BACE2: variants seen among roughly 807,000 people sequenced by gnomAD.
BACE2 encodes the protein 56 kDa aspartic-like protease.
BACE2 carries 17 observed loss-of-function variants against 46.2 expected under a neutral mutation model. That is an observed-to-expected ratio of 0.37 (90% CI 0.25 to 0.55). BACE2 has a LOEUF of 0.55. Among genes scored for constraint, BACE2 ranks in the 20% least tolerant of loss-of-function variants. BACE2 has a pLI of 0.82. For synonymous variants in BACE2, 277 were observed against 295.9 expected (o/e 0.94, Z 0.66); for missense variants, 595 against 698.1 (o/e 0.85, Z 1.66).
At chr21:41,221,062 A>C (rs1159966957) in intron 1 of BACE2, among the ~76,000 whole-genome samples, 1 of 146,632 alleles carries the variant, frequency 6.8e-6, no homozygotes, top group Admixed American at 6.8e-5. Context: ...AAAAAAAAAA[A>C]CAGTAGAGTG....
chr21:41,191,338 C>T lies in BACE2; in HGVS notation c.312+22763C>T, dbSNP rs549060813. ...CCATGAGAATGAGCCCACTGTCACA[C>T]TTCTTTAGCCATAAAGTGAGTGTCT... On this transcript the variant is annotated intron_variant, in intron 1 of 8. Coordinates refer to ENST00000330333, the MANE Select transcript of BACE2 (RefSeq NM_012105.5). Among the ~76,000 whole-genome samples the T allele has an allele frequency of 4.0e-3, 606 of 152,364 alleles. 3 individuals are homozygous for T. Among genetic ancestry groups the T allele is most frequent in the Admixed American group, 9.6e-3 (147 of 15,304 alleles).
At chr21:41,264,511 C>A (rs182881478) in intron 8 of BACE2, among the ~76,000 whole-genome samples, 1 of 152,002 alleles carries the variant, frequency 6.6e-6, no homozygotes, top group East Asian at 1.9e-4. Flanking sequence ...TTCTGCTTCT[C>A]GGGAGGCCTC....
intron 1 of BACE2, among the ~76,000 whole-genome samples, chr21:41,201,885 A>G (rs1336553602): frequency 2.6e-5 from 4 of 152,210 alleles, no homozygotes. Context: ...CAAACCCAGC[A>G]TGTTTTAGGG....
chr21:41,212,216 T>C, intron 1 of BACE2, among the ~76,000 whole-genome samples: 1 of 152,222 alleles, frequency 6.6e-6, no homozygotes, highest in Non-Finnish European at 1.5e-5. Context: ...GAGGGCTTTG[T>C]GCTTCATAGA....
At chr21:41,239,578 A>C (rs188941515) in intron 3 of BACE2, among the ~76,000 whole-genome samples, 2 of 152,222 alleles carry the variant, frequency 1.3e-5, no homozygotes, top group East Asian at 1.9e-4. Flanking sequence ...AGGTTTCACT[A>C]TGTTGGCCAG....
At chr21:41,203,820 G>C (rs981343896) in intron 1 of BACE2, among the ~76,000 whole-genome samples, 1 of 152,180 alleles carries the variant, frequency 6.6e-6, no homozygotes, top group African/African-American at 2.4e-5. Flanking sequence ...ACCTGAAGAC[G>C]GGGATGGGTC....
chr21:41,190,496 C>T (rs1985529685), intron 1 of BACE2, among the ~76,000 whole-genome samples: 1 of 152,178 alleles, frequency 6.6e-6, no homozygotes, highest in South Asian at 2.1e-4. Context: ...GGAAAAAATA[C>T]TCATGACAAT....
intron 1 of BACE2, among the ~76,000 whole-genome samples, chr21:41,212,374 C>T (rs964735219): frequency 1.3e-5 from 2 of 152,276 alleles, no homozygotes; most frequent in Non-Finnish European, 2.9e-5. Context: ...AATATCAGTA[C>T]GTTGGGAATA....
At chr21:41,264,228 T>C (rs918421893) in intron 8 of BACE2, among the ~76,000 whole-genome samples, 6 of 152,024 alleles carry the variant, frequency 3.9e-5, no homozygotes, top group Admixed American at 1.3e-4. Flanking sequence ...TTTTTTTCTT[T>C]TGAGTTTTTC....
intron 1 of BACE2, among the ~76,000 whole-genome samples, chr21:41,204,183 A>ATTTTTG (rs1478257191): frequency 6.6e-6 from 1 of 152,076 alleles, no homozygotes; most frequent in Non-Finnish European, 1.5e-5. Flanking sequence ...TGCCCGGCTA[A>ATTTTTG]TTTTTGTTTT....
At position 41,281,094 on chromosome 21, in the gene BACE2, A is replaced by G. The variant is rs139762515; in HGVS notation, c.*5470A>G. 0.011 allele frequency: 1,676 copies of G among 152,384 alleles called. 11 individuals are homozygous for G. Among genetic ancestry groups the G allele is most frequent in the Middle Eastern group, 0.031 (9 of 294 alleles). 9.4% of individuals were successfully genotyped at this position (152,384 alleles called of 1,614,324 possible). On this transcript the variant is annotated 3_prime_UTR_variant, in exon 9 of 9. Coordinates refer to ENST00000330333, the MANE Select transcript of BACE2 (RefSeq NM_012105.5). ...TGCCAGCATCTTGGGGAACGCTGTG[A>G]TGGTAAAATATCTGTCTCTCCTCTG...
intron 1 of BACE2, among the ~76,000 whole-genome samples, chr21:41,203,140 G>A (rs1986011640): frequency 6.6e-6 from 1 of 152,150 alleles, no homozygotes; most frequent in Non-Finnish European, 1.5e-5. Flanking sequence ...TCATGAAAGG[G>A]ACAGGCAGGA....
chr21:41,254,596 G>A (rs1294551802), intron 7 of BACE2, among the ~76,000 whole-genome samples: 1 of 152,190 alleles, frequency 6.6e-6, no homozygotes, highest in Non-Finnish European at 1.5e-5. Context: ...CTAATTGCCT[G>A]CATTTGAATT....
In BACE2 at chr21:41,257,275, A is replaced by G. The variant is rs1418222703; in HGVS notation, c.1252A>G (p.Ile418Val). The G allele has an allele frequency of 3.7e-6, 6 of 1,614,140 alleles. No individual in the cohort carries two copies. In the Admixed American group the frequency reaches 1.0e-4, roughly 27 times the overall value. The change falls in exon 8 of 9, where the codon ATC becomes GTC. Residue 418 changes from isoleucine to valine, a missense_variant. By Grantham distance (29) the Ile-to-Val change is conservative (BLOSUM62 3). Coordinates refer to ENST00000330333, the MANE Select transcript of BACE2 (RefSeq NM_012105.5). ...GATVMEGFYV[I>V]FDRAQKRVGF... ...CACGGTGATGGAGGGCTTCTACGTC[A>G]TCTTCGACAGAGCCCAGAAGAGGGT...
At chr21:41,171,131 C>T (rs1477004766) in intron 1 of BACE2, among the ~76,000 whole-genome samples, 1 of 152,230 alleles carries the variant, frequency 6.6e-6, no homozygotes, top group East Asian at 1.9e-4. Context: ...CCTTTCTAGC[C>T]AGAGAACCCT....
chr21:41,246,340 T>A, intron 6 of BACE2: 1 of 194,848 alleles, frequency 5.1e-6, no homozygotes, highest in Non-Finnish European at 1.0e-5. Flanking sequence ...AGTACCTTCA[T>A]GAACCTCAGA....
At chr21:41,221,618 G>A (rs534333039) in intron 1 of BACE2, among the ~76,000 whole-genome samples, 4 of 152,292 alleles carry the variant, frequency 2.6e-5, no homozygotes, top group East Asian at 3.9e-4. Context: ...GAGGTCAGGA[G>A]ATCGAGACCA....
At chr21:41,249,591 G>A (rs571035324) in intron 6 of BACE2, among the ~76,000 whole-genome samples, 15 of 152,126 alleles carry the variant, frequency 9.9e-5, no homozygotes, top group East Asian at 5.8e-4. Context: ...AGATTCCACC[G>A]CAGCATCTTC....
chr21:41,182,675 A>G (rs901151055), intron 1 of BACE2: 1 of 167,092 alleles, frequency 6.0e-6, no homozygotes, highest in Non-Finnish European at 1.5e-5. Flanking sequence ...TCAAGGGCCA[A>G]TGAGTGCCCG....
Sources: gnomAD v4.1 joint callset for allele counts (sites outside exome capture counted in the v4.1 genomes callset) on GRCh38, gnomAD v4.1.1 for gene constraint, MANE v1.5 for transcripts, NCBI Gene and HGNC (gene_info 2026-07-23, HGNC 2026-07-21) for gene names.